CERS6: variants seen among roughly 807,000 people sequenced by gnomAD.
CERS6 encodes LAG1 homolog, ceramide synthase 6.
In CERS6, 26 loss-of-function variants were observed where a neutral mutation model predicts 56.8. The observed-to-expected ratio is 0.46, with a 90% CI of 0.34 to 0.63. The LOEUF is 0.63. CERS6 is among the 30% of genes least tolerant of loss of function. The pLI is 0.01. For missense variants in CERS6, 415 were observed against 467.5 expected (o/e 0.89, Z 1.04); for synonymous variants, 164 against 173.3 (o/e 0.95, Z 0.42).
At chr2:168,628,754 C>T (rs547567643) in intron 3 of CERS6, among the ~76,000 whole-genome samples, 1 of 152,258 alleles carries the variant, frequency 6.6e-6, no homozygotes, top group East Asian at 1.9e-4. Context: ...ATGAAGATTT[C>T]CCTACTTCCT....
intron 1 of CERS6, among the ~76,000 whole-genome samples, chr2:168,461,648 A>G (rs1419565828): frequency 6.6e-6 from 1 of 152,146 alleles, no homozygotes; most frequent in Non-Finnish European, 1.5e-5. Flanking sequence ...TAGTTTGGCT[A>G]TTTGTTATAG....
intron 3 of CERS6, among the ~76,000 whole-genome samples, chr2:168,561,740 C>T (rs1292547827): frequency 6.6e-6 from 1 of 151,996 alleles, no homozygotes; most frequent in African/African-American, 2.4e-5. Context: ...CTTCTGTATT[C>T]CTGGAGATTT....
intron 4 of CERS6, among the ~76,000 whole-genome samples, chr2:168,681,362 C>CAGCT: frequency 6.6e-6 from 1 of 152,160 alleles, no homozygotes; most frequent in East Asian, 1.9e-4. Context: ...ACTCCAAAGG[C>CAGCT]AGCTATATCC....
intron 1 of CERS6, among the ~76,000 whole-genome samples, chr2:168,480,405 A>T (rs374508819): frequency 6.6e-6 from 1 of 152,260 alleles, no homozygotes; most frequent in East Asian, 1.9e-4. Flanking sequence ...CTTTTGCAGA[A>T]TATAATAATA....
At chr2:168,594,085 G>A (rs986043577) in intron 3 of CERS6, among the ~76,000 whole-genome samples, 3 of 152,098 alleles carry the variant, frequency 2.0e-5, no homozygotes, top group Admixed American at 6.5e-5. Context: ...TAATATTCAT[G>A]ATTATTTCAT....
intron 1 of CERS6, among the ~76,000 whole-genome samples, chr2:168,529,242 G>C (rs886872305): frequency 1.3e-5 from 2 of 152,188 alleles, no homozygotes. Context: ...AGTCATCCTC[G>C]ATTGTGAAAC....
intron 1 of CERS6, among the ~76,000 whole-genome samples, chr2:168,462,230 T>TA (rs1163951744): frequency 1.3e-5 from 2 of 152,208 alleles, no homozygotes; most frequent in African/African-American, 4.8e-5. Flanking sequence ...ATTAATTTCT[T>TA]AAACACTTTT....
At chr2:168,603,633 C>T (rs908905068) in intron 3 of CERS6, among the ~76,000 whole-genome samples, 4 of 152,206 alleles carry the variant, frequency 2.6e-5, no homozygotes, top group African/African-American at 7.2e-5. Flanking sequence ...CTTTCAGATG[C>T]GGCTACAGGT....
At chr2:168,627,681 A>G (rs759939224) in intron 3 of CERS6, among the ~76,000 whole-genome samples, 11 of 151,150 alleles carry the variant, frequency 7.3e-5, no homozygotes, top group Non-Finnish European at 1.3e-4. Context: ...TTGTCAGAAC[A>G]TCGCTTTGAA....
chr2:168,524,389 A>G (rs1179323982), intron 1 of CERS6, among the ~76,000 whole-genome samples: 1 of 152,208 alleles, frequency 6.6e-6, no homozygotes, highest in Non-Finnish European at 1.5e-5. Flanking sequence ...AAGGAAAAAG[A>G]CGTGGTGATT....
At chr2:168,518,412 G>A (rs1378752916) in intron 1 of CERS6, among the ~76,000 whole-genome samples, 1 of 152,152 alleles carries the variant, frequency 6.6e-6, no homozygotes, top group African/African-American at 2.4e-5. Context: ...TTGCCTATGT[G>A]TAAGAAATGA....
intron 7 of CERS6, among the ~76,000 whole-genome samples, chr2:168,716,970 G>A (rs991906799): frequency 6.6e-6 from 1 of 152,086 alleles, no homozygotes; most frequent in Non-Finnish European, 1.5e-5. Flanking sequence ...AATTCAGAAG[G>A]CATCATGAAT....
rs545171368 is a variant in CERS6 at position 168,752,867 on chromosome 2, C to T, written c.846-12725C>T. On this transcript the variant is annotated intron_variant, in intron 8 of 9. Transcript: ENST00000305747. ...TTCTGCTTTCTTACTTTTTCCCATA[C>T]ATCTAGGTGTAAAAACAAAACAAAA... 7.2e-5 allele frequency among the ~76,000 whole-genome samples: 11 copies of T among 152,224 alleles called. No homozygotes were observed. The South Asian group carries it at 1.2e-3, about 17-fold the overall frequency.
intron 8 of CERS6, among the ~76,000 whole-genome samples, chr2:168,738,655 T>G (rs1029805965): frequency 1.1e-4 from 16 of 152,202 alleles, no homozygotes; most frequent in Non-Finnish European, 4.4e-5. Context: ...CACAGATTTT[T>G]TATAAGTTGT....
intron 3 of CERS6, among the ~76,000 whole-genome samples, chr2:168,573,443 T>G (rs1189235512): frequency 6.6e-6 from 1 of 152,290 alleles, no homozygotes. Context: ...AGAGTTACTA[T>G]TGAAGTATAT....
chr2:168,745,247 A>T (rs28459000), intron 8 of CERS6, among the ~76,000 whole-genome samples: 18,417 of 149,876 alleles, frequency 0.12, 1,173 homozygotes, highest in African/African-American at 0.13. Context: ...CAGTTTAAAA[A>T]TTTTTTTTTT....
In CERS6 at chr2:168,773,203, A is replaced by G. The variant is rs991440613; in HGVS notation, c.*3541A>G. The G allele has an allele frequency of 1.4e-4, 21 of 152,196 alleles. No individual in the cohort carries two copies. The highest frequency in any genetic ancestry group is 5.1e-4 in the African/African-American group (21 of 41,434). The allele number at this position is 152,196 out of a possible 1,614,324, so 9.4% of individuals were successfully genotyped here. ...AGTTGTTTTTGTCCCTTTCTTGGAA[A>G]TGTTAATGCCAAAGTTGCCTGAACA... On this transcript the variant is annotated 3_prime_UTR_variant, in exon 10 of 10. Coordinates refer to ENST00000305747, the MANE Select transcript of CERS6 (RefSeq NM_203463.3).
intron 8 of CERS6, among the ~76,000 whole-genome samples, chr2:168,722,013 G>A (rs941602782): frequency 6.6e-6 from 1 of 152,004 alleles, no homozygotes; most frequent in Non-Finnish European, 1.5e-5. Context: ...CAACACTTAC[G>A]ATTTTTCATA....
intron 8 of CERS6, among the ~76,000 whole-genome samples, chr2:168,754,159 G>T (rs560736960): frequency 6.6e-6 from 1 of 152,230 alleles, no homozygotes; most frequent in South Asian, 2.1e-4. Flanking sequence ...ATGGGTCCGT[G>T]TCTCAGAGAT....
Sources: allele counts gnomAD v4.1 joint callset (sites outside exome capture counted in the v4.1 genomes callset), GRCh38; gene constraint gnomAD v4.1.1; transcripts MANE v1.5; gene names NCBI Gene and HGNC (gene_info 2026-07-23, HGNC 2026-07-21).